The following CNTLN variants were observed in gnomAD, a reference collection of about 807,000 sequenced individuals.
CNTLN encodes the protein centlein, centrosomal protein.
CNTLN carries 212 observed loss-of-function variants against 180.0 expected under a neutral mutation model. That is an observed-to-expected ratio of 1.18 (90% CI 1.05 to 1.32). CNTLN has a LOEUF of 1.32. Ranked by LOEUF, CNTLN falls within the 40% of genes most tolerant of loss-of-function variation. The pLI is 0.00. For synonymous variants in CNTLN, 722 were observed against 563.1 expected, an observed-to-expected ratio of 1.28 and a Z score of -3.99; for missense variants, 2,095 against 1,610.9, an observed-to-expected ratio of 1.30 and a Z score of -5.14.
intron 2 of CNTLN, among the ~76,000 whole-genome samples, chr9:17,218,666 A>C (rs1012562315): frequency 6.6e-6 from 1 of 152,142 alleles, no homozygotes; most frequent in Non-Finnish European, 1.5e-5. Context: ...TCTCTACTCA[A>C]ATGAAAGAAA....
At chr9:17,484,697 C>T (rs1832812916) in intron 24 of CNTLN, among the ~76,000 whole-genome samples, 1 of 152,170 alleles carries the variant, frequency 6.6e-6, no homozygotes, top group Non-Finnish European at 1.5e-5. Context: ...TAAGCTAGTA[C>T]TTATAACCTT....
At chr9:17,491,128 GC>G (rs1309646115) in intron 25 of CNTLN, among the ~76,000 whole-genome samples, 6 of 151,946 alleles carry the variant, frequency 3.9e-5, no homozygotes, top group Admixed American at 6.6e-5. Context: ...TCATTTTTAG[GC>G]CTTTATGATA....
At chr9:17,374,827 T>C (rs1423481057) in intron 13 of CNTLN, among the ~76,000 whole-genome samples, 1 of 149,822 alleles carries the variant, frequency 6.7e-6, no homozygotes, top group East Asian at 2.0e-4. Context: ...GCCACTGCAC[T>C]CCAGCCTGGG....
chr9:17,348,167 C>T (rs954881994), intron 12 of CNTLN, among the ~76,000 whole-genome samples: 1 of 152,020 alleles, frequency 6.6e-6, no homozygotes, highest in African/African-American at 2.4e-5. Context: ...GTATGTCGTA[C>T]GTCACTTATT....
chr9:17,164,555 C>A (rs1241342002), intron 2 of CNTLN, among the ~76,000 whole-genome samples: 1 of 144,190 alleles, frequency 6.9e-6, no homozygotes, highest in Non-Finnish European at 1.5e-5. Flanking sequence ...ACCTCTGCCT[C>A]CCTGGTTCGG....
intron 12 of CNTLN, among the ~76,000 whole-genome samples, chr9:17,356,988 G>A (rs1357877469): frequency 6.6e-6 from 1 of 151,990 alleles, no homozygotes; most frequent in Admixed American, 6.6e-5. Context: ...ATGAGTGTGT[G>A]TGTGTATATA....
chr9:17,280,244 A>G (rs1828582236), intron 6 of CNTLN, among the ~76,000 whole-genome samples: 1 of 152,202 alleles, frequency 6.6e-6, no homozygotes, highest in Non-Finnish European at 1.5e-5. Context: ...GGTGGGAAGA[A>G]GTATTGTTGG....
At chr9:17,320,882 T>G (rs1819863319) in intron 8 of CNTLN, among the ~76,000 whole-genome samples, 1 of 152,180 alleles carries the variant, frequency 6.6e-6, no homozygotes, top group Non-Finnish European at 1.5e-5. Flanking sequence ...TGTCAAAGAT[T>G]ATGAACCTAA....
intron 2 of CNTLN, among the ~76,000 whole-genome samples, chr9:17,156,214 C>T (rs548107806): frequency 2.6e-5 from 4 of 152,224 alleles, no homozygotes; most frequent in Non-Finnish European, 4.4e-5. Flanking sequence ...TATTGAGTTT[C>T]GTGTTAACAA....
chr9:17,201,763 T>C (rs1450359162), intron 2 of CNTLN, among the ~76,000 whole-genome samples: 3 of 152,154 alleles, frequency 2.0e-5, no homozygotes, highest in African/African-American at 4.8e-5. Context: ...ATCTATTTTG[T>C]CAATCTTTTC....
At chr9:17,496,535 A>T (rs1339814650) in intron 25 of CNTLN, among the ~76,000 whole-genome samples, 1 of 152,202 alleles carries the variant, frequency 6.6e-6, no homozygotes, top group Non-Finnish European at 1.5e-5. Flanking sequence ...ATACCATCAC[A>T]TTGCAGTTTA....
chr9:17,424,120 T>C (rs777106660), intron 18 of CNTLN, among the ~76,000 whole-genome samples: 4 of 152,202 alleles, frequency 2.6e-5, no homozygotes, highest in Non-Finnish European at 5.9e-5. Context: ...TCAATCTCAT[T>C]TATTATTAAA....
chr9:17,482,919 A>C lies in CNTLN; in HGVS notation c.3856-1376A>C, dbSNP rs1482858042. ...AAAAATTTTAACTGAAAAATAAAAA[A>C]GTAGCAAAAAAATTGTGGTTTGAAA... On this transcript the variant is annotated intron_variant, in intron 23 of 25. Transcript: ENST00000380647. 3.3e-5 allele frequency among the ~76,000 whole-genome samples: 5 copies of C among 152,136 alleles called. No homozygotes were observed. In the East Asian group the frequency reaches 9.6e-4, roughly 29 times the overall value.
chr9:17,202,013 C>T (rs536754267), intron 2 of CNTLN, among the ~76,000 whole-genome samples: 101 of 152,230 alleles, frequency 6.6e-4, no homozygotes, highest in Non-Finnish European at 1.2e-3. Context: ...TAGACGTGTC[C>T]AGAAATTCTG....
At chr9:17,308,547 T>C (rs1818899138) in intron 7 of CNTLN, among the ~76,000 whole-genome samples, 1 of 152,128 alleles carries the variant, frequency 6.6e-6, no homozygotes, top group African/African-American at 2.4e-5. Flanking sequence ...TTCTTTCAAA[T>C]GTATATGTTA....
intron 8 of CNTLN, among the ~76,000 whole-genome samples, chr9:17,318,924 C>A (rs559234258): frequency 6.6e-6 from 1 of 152,066 alleles, no homozygotes; most frequent in Non-Finnish European, 1.5e-5. Context: ...TTATTAAAAT[C>A]CCATTGTATT....
intron 18 of CNTLN, among the ~76,000 whole-genome samples, chr9:17,457,157 C>G (rs1391582715): frequency 6.6e-6 from 1 of 152,108 alleles, no homozygotes; most frequent in African/African-American, 2.4e-5. Context: ...TTATCTTGTC[C>G]TGCTCCAGCT....
chr9:17,433,379 G>C (rs1829547293), intron 18 of CNTLN, among the ~76,000 whole-genome samples: 2 of 151,734 alleles, frequency 1.3e-5, no homozygotes, highest in Non-Finnish European at 1.5e-5. Flanking sequence ...CTGCCTCCTG[G>C]GTTCAAGCGA....
intron 8 of CNTLN, among the ~76,000 whole-genome samples, chr9:17,327,826 G>A (rs1820405116): frequency 6.6e-6 from 1 of 151,952 alleles, no homozygotes; most frequent in African/African-American, 2.4e-5. Flanking sequence ...GGTGGCAGAT[G>A]CCTGTAATCC....
Sources: gnomAD v4.1 joint callset for allele counts (sites outside exome capture counted in the v4.1 genomes callset) on GRCh38, gnomAD v4.1.1 for gene constraint, MANE v1.5 for transcripts, NCBI Gene and HGNC (gene_info 2026-07-23, HGNC 2026-07-21) for gene names.